The following UNC13B variants were observed in gnomAD, a reference collection of about 807,000 sequenced individuals.
The protein encoded by UNC13B is unc-13 homolog B.
In UNC13B, 144 loss-of-function variants were observed where a neutral mutation model predicts 211.0. The ratio of observed to expected loss-of-function variants is 0.68; its 90% CI spans 0.60 to 0.78. UNC13B has a LOEUF of 0.78. Among genes scored for constraint, UNC13B ranks in the 30% least tolerant of loss-of-function variants. The pLI is 0.00. For synonymous variants in UNC13B, 709 were observed against 725.8 expected (o/e 0.98, Z 0.37); for missense variants, 1,777 against 2,002.0 (o/e 0.89, Z 2.14).
chr9:35,231,335 G>T (rs10972391), intron 3 of UNC13B, 116 bp downstream of exon 3: 5 of 692,776 alleles, frequency 7.2e-6, no homozygotes, highest in Non-Finnish European at 1.2e-5. Flanking sequence ...AAATGTACTG[G>T]CACTGTTAAA....
At chr9:35,358,607 C>T (rs1164493649) in intron 11 of UNC13B, among the ~76,000 whole-genome samples, 1 of 150,912 alleles carries the variant, frequency 6.6e-6, no homozygotes, top group East Asian at 1.9e-4. Context: ...GCTGAGAAAT[C>T]ATTGGTTAAT....
At chr9:35,381,956 C>T (rs1326205387) in intron 20 of UNC13B, among the ~76,000 whole-genome samples, 1 of 152,186 alleles carries the variant, frequency 6.6e-6, no homozygotes, top group Non-Finnish European at 1.5e-5. Context: ...GGGAACTCTG[C>T]AGGGAAAGAG....
At chr9:35,214,793 T>C (rs941699812) in intron 1 of UNC13B, among the ~76,000 whole-genome samples, 3 of 152,212 alleles carry the variant, frequency 2.0e-5, no homozygotes, top group African/African-American at 2.4e-5. Flanking sequence ...ATAGTAACAA[T>C]AGAGATCCTG....
intron 1 of UNC13B, among the ~76,000 whole-genome samples, chr9:35,197,767 T>G (rs1823027243): frequency 1.3e-5 from 2 of 152,216 alleles, no homozygotes; most frequent in African/African-American, 4.8e-5. Flanking sequence ...CCACCTTCTC[T>G]CCCTCCTGCT....
chr9:35,186,563 G>T (rs1384760084), intron 1 of UNC13B, among the ~76,000 whole-genome samples: 1 of 151,820 alleles, frequency 6.6e-6, no homozygotes, highest in East Asian at 1.9e-4. Flanking sequence ...GCAAAAGAAA[G>T]AGAAACAAAG....
chr9:35,403,509 T>C lies in UNC13B; in HGVS notation c.12647T>C (p.Val4216Ala), dbSNP rs1716813843. 6.2e-7 allele frequency: 1 copy of C among 1,613,986 alleles called. No individual in the cohort carries two copies. The highest frequency in any genetic ancestry group is 8.5e-7 in the Non-Finnish European group (1 of 1,179,984). ...CGGCCTTTCGTGGAGGTGACTATGG[T>C]TGGCCCACACCAAAGTGATAAGAAG... The part of the protein sequence containing the change: ...MFRPFVEVTM[V>A]GPHQSDKKRK... Residue 4216 changes from valine to alanine, a missense_variant, in exon 39 of 40, where the codon GTT (valine) becomes GCT (alanine). By Grantham distance (64) the Val-to-Ala change is moderately conservative. Transcript: ENST00000635942.
At chr9:35,165,394 C>T (rs1230618447) in intron 1 of UNC13B, among the ~76,000 whole-genome samples, 1 of 147,748 alleles carries the variant, frequency 6.8e-6, no homozygotes, top group Admixed American at 6.8e-5. Context: ...GACCATTCAG[C>T]GGGTGATTGA....
At chr9:35,236,217 C>T (rs896512721) in intron 3 of UNC13B, among the ~76,000 whole-genome samples, 1 of 152,046 alleles carries the variant, frequency 6.6e-6, no homozygotes, top group Admixed American at 6.6e-5. Context: ...TACCTTATTG[C>T]TAACTGGAGG....
In UNC13B at chr9:35,376,010, G is replaced by A; in HGVS notation, c.9616-18G>A. ...AAACAAAAAACAAAAATCATGGGAT[G>A]GGGTATGTGTCTTTCAGAAATCCCA... On this transcript the variant is annotated intron_variant, in intron 14 of 39. Transcript: ENST00000635942. 1 of 1,612,854 alleles carries A rather than the reference G, an allele frequency of 6.2e-7. No individual in the cohort carries two copies. Among genetic ancestry groups the A allele is most frequent in the Non-Finnish European group, 8.5e-7 (1 of 1,178,868 alleles).
intron 1 of UNC13B, among the ~76,000 whole-genome samples, chr9:35,180,864 A>G (rs985698093): frequency 2.6e-5 from 4 of 151,880 alleles, no homozygotes; most frequent in Non-Finnish European, 5.9e-5. Flanking sequence ...TGGGAAGCCA[A>G]GGTGGGATTG....
rs1370720358 is a variant in UNC13B, at chr9:35,403,583, A to G, written c.12721A>G (p.Asn4241Asp). Residue 4241 changes from asparagine (N) to aspartate (D), a missense_variant, in exon 39 of 40, where the codon AAT becomes GAT. Asn to Asp is a conservative substitution (Grantham distance 23). Transcript: ENST00000635942. ...AAGCAACAACTGGGCCCCCAAGTAC[A>G]ATGAGACATTCCACTTGTAAGTTAC... ...SKSNNWAPKY[N>D]ETFHFLLGNE... 2 of 1,584,444 alleles carry G rather than the reference A, an allele frequency of 1.3e-6. No individual in the cohort carries two copies. The highest frequency in any genetic ancestry group is 1.7e-4 in the Middle Eastern group (1 of 5,916).
chr9:35,234,706 G>C (rs1825396973), intron 3 of UNC13B, among the ~76,000 whole-genome samples: 1 of 151,998 alleles, frequency 6.6e-6, no homozygotes, highest in Non-Finnish European at 1.5e-5. Context: ...TAAGTGCTCA[G>C]GAAATGCTAA....
chr9:35,390,495 TG>T, intron 25 of UNC13B, 133 bp from the exon 26 acceptor site: 1 of 974,554 alleles, frequency 1.0e-6, no homozygotes, highest in Non-Finnish European at 1.6e-6. Context: ...TTCTCCAGAT[TG>T]GACCTAGCCC....
At chr9:35,199,935 T>G (rs867753321) in intron 1 of UNC13B, among the ~76,000 whole-genome samples, 24 of 152,342 alleles carry the variant, frequency 1.6e-4, no homozygotes, top group Middle Eastern at 3.4e-3. Context: ...TCCTGAATGG[T>G]ATTGCCTAGG....
intron 7 of UNC13B, among the ~76,000 whole-genome samples, chr9:35,274,603 C>T (rs1368881401): frequency 2.0e-5 from 3 of 152,114 alleles, no homozygotes; most frequent in Non-Finnish European, 4.4e-5. Context: ...ATAAAGAATG[C>T]CCCACAATGA....
At chr9:35,228,314 G>T (rs1403374073) in intron 2 of UNC13B, among the ~76,000 whole-genome samples, 4 of 151,872 alleles carry the variant, frequency 2.6e-5, no homozygotes, top group African/African-American at 9.7e-5. Flanking sequence ...AGTGTAAAAG[G>T]ATAAATATTG....
intron 11 of UNC13B, among the ~76,000 whole-genome samples, chr9:35,363,964 T>C (rs774256238): frequency 6.6e-6 from 1 of 152,204 alleles, no homozygotes. Context: ...ATCCTGGTCC[T>C]GGACTTAACT....
intron 11 of UNC13B, among the ~76,000 whole-genome samples, chr9:35,348,630 G>A (rs1300947103): frequency 6.6e-6 from 1 of 152,166 alleles, no homozygotes; most frequent in East Asian, 1.9e-4. Context: ...TCCCTACTTT[G>A]TTGACTCAGG....
chr9:35,166,151 A>G (rs1821028096), intron 1 of UNC13B, among the ~76,000 whole-genome samples: 2 of 152,052 alleles, frequency 1.3e-5, no homozygotes, highest in African/African-American at 4.8e-5. Context: ...GAAGGCTGAG[A>G]CAGGTGGATC....
Sources: gnomAD v4.1 joint callset for allele counts (sites outside exome capture counted in the v4.1 genomes callset) on GRCh38, gnomAD v4.1.1 for gene constraint, MANE v1.5 for transcripts, NCBI Gene and HGNC (gene_info 2026-07-23, HGNC 2026-07-21) for gene names.